The following ESRRG variants were observed in gnomAD, a reference collection of about 807,000 sequenced individuals.
The protein encoded by ESRRG is estrogen-related receptor gamma.
In ESRRG, 13 loss-of-function variants were observed where a neutral mutation model predicts 44.0. The ratio of observed to expected loss-of-function variants is 0.30; its 90% CI spans 0.19 to 0.47. ESRRG has a LOEUF of 0.47. Ranked by LOEUF, ESRRG falls within the 20% of genes least tolerant of loss-of-function variation. The probability of loss-of-function intolerance (pLI) is 1.00; values close to 1 mark genes in which losing one functional copy is unlikely to be tolerated. For synonymous variants in ESRRG, 215 were observed against 214.6 expected, an observed-to-expected ratio of 1.00 and a Z score of -0.02; for missense variants, 395 against 580.6, an observed-to-expected ratio of 0.68 and a Z score of 3.29.
At chr1:217,122,830 C>T (rs1258939793) in intron 1 of ESRRG, among the ~76,000 whole-genome samples, 1 of 151,928 alleles carries the variant, frequency 6.6e-6, no homozygotes, top group Non-Finnish European at 1.5e-5. Flanking sequence ...GCTGCCATGA[C>T]CAGCTAATTT....
At chr1:216,614,433 T>A (rs1470611784) in intron 3 of ESRRG, among the ~76,000 whole-genome samples, 1 of 152,172 alleles carries the variant, frequency 6.6e-6, no homozygotes, top group Non-Finnish European at 1.5e-5. Flanking sequence ...GAATACAGCC[T>A]GTTAGCTCCA....
At chr1:216,596,253 G>C (rs1166175198) in intron 3 of ESRRG, among the ~76,000 whole-genome samples, 1 of 152,134 alleles carries the variant, frequency 6.6e-6, no homozygotes, top group Non-Finnish European at 1.5e-5. Flanking sequence ...TTCATCTTCA[G>C]GGCTTCTTTC....
chr1:217,000,933 G>A (rs959449229), intron 1 of ESRRG, among the ~76,000 whole-genome samples: 3 of 152,170 alleles, frequency 2.0e-5, no homozygotes, highest in Admixed American at 6.5e-5. Flanking sequence ...GCCGTTCACC[G>A]GCACCAAAAT....
At chr1:216,660,880 A>C (rs917642703) in intron 2 of ESRRG, among the ~76,000 whole-genome samples, 1 of 152,204 alleles carries the variant, frequency 6.6e-6, no homozygotes, top group African/African-American at 2.4e-5. Flanking sequence ...ACAGAAACCA[A>C]ACAGAGCATG....
At chr1:216,711,263 T>C (rs980040106) in intron 1 of ESRRG, among the ~76,000 whole-genome samples, 1 of 152,036 alleles carries the variant, frequency 6.6e-6, no homozygotes, top group African/African-American at 2.4e-5. Flanking sequence ...TTATTACAAC[T>C]CCTGGGGCAC....
chr1:216,820,005 G>A (rs2095251423), intron 2 of ESRRG, among the ~76,000 whole-genome samples: 1 of 152,180 alleles, frequency 6.6e-6, no homozygotes, highest in South Asian at 2.1e-4. Context: ...GCAGAGGAGA[G>A]AAGAAGCGTT....
intron 5 of ESRRG, among the ~76,000 whole-genome samples, chr1:216,554,909 A>C (rs2057208245): frequency 6.6e-6 from 1 of 152,174 alleles, no homozygotes; most frequent in African/African-American, 2.4e-5. Flanking sequence ...CACTGCCCTG[A>C]TAATCCCTCA....
intron 3 of ESRRG, among the ~76,000 whole-genome samples, chr1:216,580,300 A>C (rs2149798811): frequency 6.6e-6 from 1 of 152,294 alleles, no homozygotes; most frequent in African/African-American, 2.4e-5. Flanking sequence ...TTTTTTCAGT[A>C]ATTCTTGTTT....
intron 2 of ESRRG, among the ~76,000 whole-genome samples, chr1:216,742,677 A>G (rs776187430): frequency 6.6e-6 from 1 of 152,120 alleles, no homozygotes; most frequent in African/African-American, 2.4e-5. Flanking sequence ...TTAAAATGCA[A>G]AAGTGGGAGA....
At chr1:216,605,805 G>A (rs553186465) in intron 3 of ESRRG, among the ~76,000 whole-genome samples, 2 of 150,444 alleles carry the variant, frequency 1.3e-5, no homozygotes, top group South Asian at 2.1e-4. Context: ...AAAAGTAAAC[G>A]AAAGACTGGG....
intron 1 of ESRRG, among the ~76,000 whole-genome samples, chr1:216,990,972 C>A (rs1221743519): frequency 1.3e-5 from 2 of 152,122 alleles, no homozygotes; most frequent in Non-Finnish European, 2.9e-5. Context: ...CATCCATGGC[C>A]TGTTAGGAAA....
chr1:217,112,695 G>T (rs2092673806), intron 1 of ESRRG, among the ~76,000 whole-genome samples: 1 of 152,144 alleles, frequency 6.6e-6, no homozygotes, highest in African/African-American at 2.4e-5. Flanking sequence ...AAAATAAATT[G>T]CTTCTCATCT....
At chr1:216,579,265 C>T in intron 3 of ESRRG, among the ~76,000 whole-genome samples, 1 of 152,172 alleles carries the variant, frequency 6.6e-6, no homozygotes, top group Admixed American at 6.5e-5. Context: ...TTTTATTTTG[C>T]TACTCTGAGC....
chr1:216,735,647 T>A (rs1437868081), intron 2 of ESRRG, among the ~76,000 whole-genome samples: 8 of 152,156 alleles, frequency 5.3e-5, no homozygotes, highest in African/African-American at 1.9e-4. Context: ...TAAATCTACA[T>A]ACTTATGTGA....
chr1:216,570,420 T>A (rs1333761663), intron 3 of ESRRG, among the ~76,000 whole-genome samples: 1 of 152,224 alleles, frequency 6.6e-6, no homozygotes, highest in Non-Finnish European at 1.5e-5. Context: ...TTTTATTGCA[T>A]CTATATTTAA....
At chr1:217,026,111 C>T (rs1468383197) in intron 1 of ESRRG, among the ~76,000 whole-genome samples, 1 of 152,186 alleles carries the variant, frequency 6.6e-6, no homozygotes, top group Non-Finnish European at 1.5e-5. Flanking sequence ...CCCGACCTCT[C>T]ATCTGGCCTA....
intron 2 of ESRRG, among the ~76,000 whole-genome samples, chr1:216,852,362 A>G (rs1040130166): frequency 1.3e-5 from 2 of 152,192 alleles, no homozygotes; most frequent in African/African-American, 2.4e-5. Flanking sequence ...ATTGTATAGG[A>G]AATTCTTTGG....
intron 1 of ESRRG, among the ~76,000 whole-genome samples, chr1:217,073,239 A>G (rs1391379990): frequency 1.4e-5 from 2 of 148,052 alleles, no homozygotes; most frequent in African/African-American, 2.5e-5. Context: ...ATCCTCATGA[A>G]GAATGTATTG....
chr1:216,844,003 T>A (rs1435528267), intron 2 of ESRRG, among the ~76,000 whole-genome samples: 1 of 152,100 alleles, frequency 6.6e-6, no homozygotes, highest in Admixed American at 6.5e-5. Flanking sequence ...TTGGGTGCAC[T>A]CTTCTTTGAG....
Sources: allele counts gnomAD v4.1 joint callset (sites outside exome capture counted in the v4.1 genomes callset), GRCh38; gene constraint gnomAD v4.1.1; transcripts MANE v1.5; gene names NCBI Gene and HGNC (gene_info 2026-07-23, HGNC 2026-07-21).